The following NOTCH4 variants were observed in gnomAD, a reference collection of about 807,000 sequenced individuals.
The protein encoded by NOTCH4 is neurogenic locus notch homolog protein 4.
A neutral mutation model predicts 189.0 loss-of-function variants in NOTCH4; 138 were observed. That is an observed-to-expected ratio of 0.73 (90% CI 0.64 to 0.84). The LOEUF (loss-of-function observed/expected upper bound fraction) is 0.84. Ranked by LOEUF, NOTCH4 falls within the 40% of genes least tolerant of loss-of-function variation. The pLI is 0.00. For synonymous variants in NOTCH4, 942 were observed against 1,032.8 expected, an observed-to-expected ratio of 0.91 and a Z score of 1.69; for missense variants, 2,286 against 2,605.4, an observed-to-expected ratio of 0.88 and a Z score of 2.67.
intron 11 of NOTCH4, 38 bp downstream of exon 11, chr6:32,216,907 A>C: frequency 6.2e-7 from 1 of 1,612,508 alleles, no homozygotes; most frequent in Non-Finnish European, 8.5e-7. Context: ...ATGGAATAAA[A>C]TATTCTGCCA....
chr6:32,196,616 A>G (rs1259849636), intron 28 of NOTCH4, among the ~76,000 whole-genome samples, 195 bp from the exon 29 acceptor site: 5 of 152,060 alleles, frequency 3.3e-5, no homozygotes, highest in Non-Finnish European at 7.4e-5. Context: ...GGGAGGGACA[A>G]TGGGGCATTG....
In NOTCH4 at chr6:32,221,226, G is replaced by A. The variant is rs751063545; in HGVS notation, c.551C>T (p.Pro184Leu). 38 of 1,612,958 alleles carry A rather than the reference G, an allele frequency of 2.4e-5. No individual in the cohort carries two copies. In the Middle Eastern group the frequency reaches 6.6e-4, roughly 28 times the overall value. Residue 184 changes from proline (P) to leucine (L), a missense_variant, in exon 4 of 30, where the codon CCG (proline) becomes CTG (leucine). Transcript: ENST00000375023. This position sits in a 1 kb window ranked among gnomAD's most constrained non-coding sequence, Gnocchi z 4.3. ...TYPQIQCHCP[P>L]GFEGHACERD... ...TTCACAGGCATGGCCCTCGAAGCCC[G>A]GTGGGCAGTGGCACTGGATCTGGGG...
rs1674602324 is a variant in NOTCH4 at position 32,213,255 on chromosome 6, GGA to G, written c.2321-5_2321-4del. The G allele has an allele frequency of 6.2e-7, 1 of 1,603,622 alleles. No individual in the cohort carries two copies. Among genetic ancestry groups the G allele is most frequent in the Non-Finnish European group, 8.5e-7 (1 of 1,170,822 alleles). On this transcript the variant is annotated splice_polypyrimidine_tract_variant and splice_region_variant and intron_variant, in intron 14 of 29. Coordinates refer to ENST00000375023, the MANE Select transcript of NOTCH4 (RefSeq NM_004557.4). Reference sequence around the variant, plus strand: ...GGTACCCCCATTGAAGCACGGGGCTGGAGAGAGGAGGCTGTGAGGGTTTGGGT... The same window carrying G: ...GGTACCCCCATTGAAGCACGGGGCTGGAGAGGAGGCTGTGAGGGTTTGGGT...
rs1788970659 is a variant in NOTCH4 at position 32,210,904 on chromosome 6, C to T, written c.2713G>A (p.Gly905Ser). 2 of 1,607,040 alleles carry T rather than the reference C, an allele frequency of 1.2e-6. No homozygotes were observed. The change falls in exon 18 of 30, where the codon GGC (glycine) becomes AGC (serine). Residue 905 changes from glycine (G) to serine (S), a missense_variant. Physicochemically the swap from Gly to Ser is moderately conservative, Grantham distance 56. This residue lies in a region of NOTCH4 where 1,903 missense variants were observed against 2,261.9 expected (regional missense o/e 0.84). Transcript: ENST00000375023. This position sits in a 1 kb window ranked among gnomAD's most constrained non-coding sequence, Gnocchi z 4.8. ...IDVSSLCHNG[G>S]LCVDSGPSYF... ...GAGGGGCCGCTGTCGACACAGAGGC[C>T]TCCATTGTGGCAAAGGGAAGAGACG...
rs1337419800 is a variant in NOTCH4 at position 32,223,100 on chromosome 6, G to A, written c.74-14C>T. 6.2e-7 allele frequency: 1 copy of A among 1,609,776 alleles called. No individual in the cohort carries two copies. The highest frequency in any genetic ancestry group is 1.3e-5 in the African/African-American group (1 of 74,732). On this transcript the variant is annotated splice_polypyrimidine_tract_variant and intron_variant, in intron 1 of 29. Coordinates refer to ENST00000375023, the MANE Select transcript of NOTCH4 (RefSeq NM_004557.4). ...CACACAGCAGCCCTGAGGGTGGAGA[G>A]GCAGGCGCAATGGAAGCCCTGGGTG...
rs1109771 is a variant in NOTCH4 at position 32,219,828 on chromosome 6, A to G, written c.1316-42T>C. On this transcript the variant is annotated intron_variant, in intron 7 of 29. Coordinates refer to ENST00000375023, the MANE Select transcript of NOTCH4 (RefSeq NM_004557.4). Reference sequence around the variant, plus strand: ...GCTGGGAGTCCACAGGGGTCAGGGCAGGAAGGGCAAGGAGGTGAGACTGTC... The same window carrying G: ...GCTGGGAGTCCACAGGGGTCAGGGCGGGAAGGGCAAGGAGGTGAGACTGTC... 0.56 allele frequency: 858,969 copies of G among 1,541,746 alleles called. 240,083 individuals are homozygous for G. The highest frequency in any genetic ancestry group is 0.7 in the East Asian group (30,404 of 43,730).
In NOTCH4 at chr6:32,216,967, G is replaced by C. The variant is rs769814052; in HGVS notation, c.1839C>G (p.Cys613Trp). ...AACCTGTGAAACCAGAGGGGCAGAG[G>C]CAAAAGAAGGCTCCTGGAAGATCAA... ...SCLDLPGAFFCLCPSGFTGQL... is the reference protein window; with the variant it reads ...SCLDLPGAFFWLCPSGFTGQL... The change falls in exon 11 of 30, where the codon TGC becomes TGG. Residue 613 changes from cysteine to tryptophan, a missense_variant. Coordinates refer to ENST00000375023, the MANE Select transcript of NOTCH4 (RefSeq NM_004557.4). 3.2e-5 allele frequency: 51 copies of C among 1,613,002 alleles called. 1 individual carries two copies. In the South Asian group the frequency reaches 4.9e-4, roughly 16 times the overall value.
intron 26 of NOTCH4, among the ~76,000 whole-genome samples, chr6:32,197,911 T>G (rs1788060229): frequency 1.4e-5 from 2 of 146,638 alleles, no homozygotes; most frequent in African/African-American, 5.0e-5. Context: ...AAGCTCCTCC[T>G]CCCAGGTTCA....
At position 32,199,735 on chromosome 6, in the gene NOTCH4, T is replaced by C. The variant is rs909779921; in HGVS notation, c.4316-590A>G. Among the ~76,000 whole-genome samples, 2 of 116,704 alleles carry C rather than the reference T, an allele frequency of 1.7e-5. No homozygotes were observed. Among genetic ancestry groups the C allele is most frequent in the East Asian group, 3.2e-4 (1 of 3,112 alleles). The allele number at this position is 116,704 out of a possible 152,430, so 76.6% of individuals were successfully genotyped here. ...AACAAAACAAAAACAAAAAAAATTA[T>C]CAGGGCATGGTGGCATGCCATTGTA... is the stretch of plus-strand genomic sequence containing the variant. On this transcript the variant is annotated intron_variant, in intron 23 of 29. Coordinates refer to ENST00000375023, the MANE Select transcript of NOTCH4 (RefSeq NM_004557.4). This position sits in a 1 kb window ranked among gnomAD's most constrained non-coding sequence, Gnocchi z 4.9.
intron 3 of NOTCH4, among the ~76,000 whole-genome samples, chr6:32,222,012 G>A (rs1448022737): frequency 6.6e-6 from 1 of 152,114 alleles, no homozygotes; most frequent in African/African-American, 2.4e-5. Flanking sequence ...GAAGCACTAA[G>A]CTTGCCCCAG....
intron 18 of NOTCH4, among the ~76,000 whole-genome samples, chr6:32,208,497 T>C (rs915702732): frequency 6.6e-6 from 1 of 152,108 alleles, no homozygotes; most frequent in African/African-American, 2.4e-5. Context: ...CTTTCAGAGG[T>C]TGAGGCGGGA....
rs8192584 is a variant in NOTCH4 at position 32,221,415 on chromosome 6, G to A, written c.452-90C>T. 0.026 allele frequency: 24,210 copies of A among 915,768 alleles called. 409 individuals carry two copies. The highest frequency in any genetic ancestry group is 0.033 in the South Asian group (2,058 of 61,486). The allele number at this position is 915,768 out of a possible 1,614,324, so 56.7% of individuals were successfully genotyped here. A position where few individuals can be genotyped will look rare whatever the true frequency, so the allele number is the denominator to read the frequency against. On this transcript the variant is annotated intron_variant, in intron 3 of 29. Coordinates refer to ENST00000375023, the MANE Select transcript of NOTCH4 (RefSeq NM_004557.4). This position sits in a 1 kb window ranked among gnomAD's most constrained non-coding sequence, Gnocchi z 4.3. ...CCAGTGCTCACTCTGGATTATCTCT[G>A]GGTCTCATTTTCATATTTCCTTCCC...
At chr6:32,216,679 A>G in intron 11 of NOTCH4, 1 of 580,378 alleles carries the variant, frequency 1.7e-6, no homozygotes, top group Non-Finnish European at 3.1e-6. Flanking sequence ...TAAATAAGCA[A>G]GTGAATGCCT....
Position 32,221,225 on chromosome 6 carries a change from C to T in NOTCH4, c.552G>A (p.Pro184=), listed in dbSNP as rs151181251. Residue 184 remains proline (P), a synonymous_variant, in exon 4 of 30, where the codon CCG becomes CCA. Coordinates refer to ENST00000375023, the MANE Select transcript of NOTCH4 (RefSeq NM_004557.4). The surrounding 1 kb of genome is among the most constrained non-coding windows in gnomAD (Gnocchi z 4.3). ...TYPQIQCHCP[P]GFEGHACERD... ...GTTCACAGGCATGGCCCTCGAAGCC[C>T]GGTGGGCAGTGGCACTGGATCTGGG... 295 of 1,613,068 alleles carry T rather than the reference C, an allele frequency of 1.8e-4. No individual in the cohort carries two copies. The highest frequency in any genetic ancestry group is 2.3e-4 in the Non-Finnish European group (267 of 1,180,018).
At position 32,202,125 on chromosome 6, in the gene NOTCH4, C is replaced by A. The variant is rs147232319; in HGVS notation, c.3706G>T (p.Glu1236Ter). The A allele has an allele frequency of 4.6e-6, 7 of 1,507,858 alleles. No homozygotes were observed. In the African/African-American group the frequency reaches 8.4e-5, roughly 18 times the overall value. 93.4% of individuals were successfully genotyped at this position (1,507,858 alleles called of 1,614,324 possible). ...DGQCHPQCDS[E>*]ECLFDGYDCE... Reference sequence around the variant, plus strand: ...TCGTAGCCATCAAACAGACACTCTTCAGAGTCACACTGTGGGTGGCACTGC... The same window carrying A: ...TCGTAGCCATCAAACAGACACTCTTAAGAGTCACACTGTGGGTGGCACTGC... The change falls in exon 21 of 30, where the codon GAA (glutamate) becomes TAA (stop). Residue 1236 changes from glutamate (E) to a stop codon, truncating the protein, a stop_gained. Coordinates refer to ENST00000375023, the MANE Select transcript of NOTCH4 (RefSeq NM_004557.4). LOFTEE classifies it high-confidence loss of function. The surrounding 1 kb of genome is among the most constrained non-coding windows in gnomAD (Gnocchi z 5.7).
At chr6:32,219,983 C>T in intron 7 of NOTCH4, 146 bp downstream of exon 7, 1 of 957,574 alleles carries the variant, frequency 1.0e-6, no homozygotes, top group South Asian at 1.5e-5. Context: ...GAGAGAGGGT[C>T]ATGTAGGCAA....
In NOTCH4 at chr6:32,218,124, C is replaced by A; in HGVS notation, c.1511-16G>T. The A allele has an allele frequency of 6.5e-7, 1 of 1,538,080 alleles. No individual in the cohort carries two copies. The highest frequency in any genetic ancestry group is 8.9e-7 in the Non-Finnish European group (1 of 1,118,288). Reference sequence around the variant, plus strand: ...CCTTCTAAGCCTGGGGACATGGGGACCATGAGGGCTGTGGCTCAGCCAGGT... The same window carrying A: ...CCTTCTAAGCCTGGGGACATGGGGAACATGAGGGCTGTGGCTCAGCCAGGT... On this transcript the variant is annotated splice_polypyrimidine_tract_variant and intron_variant, in intron 8 of 29. Transcript: ENST00000375023.
chr6:32,222,462 G>A lies in NOTCH4; in HGVS notation c.451+49C>T, dbSNP rs753606122. 9.6e-6 allele frequency: 14 copies of A among 1,459,426 alleles called. No individual in the cohort carries two copies. In the East Asian group the frequency reaches 1.7e-4, roughly 18 times the overall value. 90.4% of individuals were successfully genotyped at this position (1,459,426 alleles called of 1,614,324 possible). On this transcript the variant is annotated intron_variant, in intron 3 of 29. Transcript: ENST00000375023. ...TTCTATCTTCCCCACCCACAGCCTA[G>A]CCCATTGCTCCTGCCTGTCCCCTCC...
rs1788440668 is a variant in NOTCH4, at chr6:32,202,861, G to A, written c.3232-262C>T. The A allele has an allele frequency of 4.8e-6, 2 of 415,992 alleles. No individual in the cohort carries two copies. The highest frequency in any genetic ancestry group is 7.8e-5 in the Admixed American group (2 of 25,770). The allele number at this position is 415,992 out of a possible 1,614,324, so 25.8% of individuals were successfully genotyped here. On this transcript the variant is annotated intron_variant, in intron 20 of 29. Transcript: ENST00000375023. This position sits in a 1 kb window ranked among gnomAD's most constrained non-coding sequence, Gnocchi z 5.7. ...ACCTGATGGACTGTGGCATTACAGTGCAAGTCCTAGAAGACTAAACAGTTA... is the reference window on the plus strand; with the variant it reads ...ACCTGATGGACTGTGGCATTACAGTACAAGTCCTAGAAGACTAAACAGTTA...
Sources: allele counts gnomAD v4.1 joint callset (sites outside exome capture counted in the v4.1 genomes callset), GRCh38; gene constraint gnomAD v4.1.1; regional missense constraint gnomAD v4.1.1; non-coding constraint Gnocchi (gnomAD v3.1); transcripts MANE v1.5; gene names NCBI Gene and HGNC (gene_info 2026-07-23, HGNC 2026-07-21).